The following NPHP1 variants were observed in gnomAD, a reference collection of about 807,000 sequenced individuals.
NPHP1 encodes the protein nephrocystin 1, also known as nephrocystin-1.
In NPHP1, 70 loss-of-function variants were observed where a neutral mutation model predicts 90.4. The observed-to-expected ratio is 0.77, with a 90% CI of 0.64 to 0.95. The LOEUF is 0.95. NPHP1 is among the 40% of genes least tolerant of loss of function. The pLI, the probability that NPHP1 is intolerant of heterozygous loss-of-function variation, is 0.00. For missense variants in NPHP1, 764 were observed against 795.9 expected, an observed-to-expected ratio of 0.96 and a Z score of 0.48; for synonymous variants, 256 against 271.7, an observed-to-expected ratio of 0.94 and a Z score of 0.57.
chr2:110,143,853 A>G (rs1680825704), intron 15 of NPHP1: 1 of 537,618 alleles, frequency 1.9e-6, no homozygotes, highest in Non-Finnish European at 3.3e-6. Flanking sequence ...TATTGCTGCC[A>G]GATTACAAAG....
rs182540642 is a variant in NPHP1, at chr2:110,152,775, C to A, written c.1084-2519G>T. On this transcript the variant is annotated intron_variant, in intron 11 of 19. Coordinates refer to ENST00000445609, the MANE Select transcript of NPHP1 (RefSeq NM_001128178.3). ...CTTAGATCAAGAACTCTAAACTCTACGTCAAGATCTGGTTCTGAACTGGGG... is the reference window on the plus strand; with the variant it reads ...CTTAGATCAAGAACTCTAAACTCTAAGTCAAGATCTGGTTCTGAACTGGGG... Among the ~76,000 whole-genome samples, 6 of 152,010 alleles carry A rather than the reference C, an allele frequency of 3.9e-5. No homozygotes were observed. In the East Asian group the frequency reaches 1.2e-3, roughly 29 times the overall value.
intron 16 of NPHP1, among the ~76,000 whole-genome samples, chr2:110,140,846 A>C (rs1425218079): frequency 6.6e-6 from 1 of 152,220 alleles, no homozygotes; most frequent in East Asian, 1.9e-4. Flanking sequence ...ACACATTATT[A>C]ATGGCTATTG....
At chr2:110,199,843 G>T (rs1322746804) in intron 2 of NPHP1, among the ~76,000 whole-genome samples, 1 of 152,142 alleles carries the variant, frequency 6.6e-6, no homozygotes, top group African/African-American at 2.4e-5. Flanking sequence ...AGAGCACTGA[G>T]CAGATAAAAA....
chr2:110,143,479 A>C, intron 16 of NPHP1, 63 bp downstream of exon 16: 2 of 1,101,746 alleles, frequency 1.8e-6, no homozygotes, highest in Non-Finnish European at 2.8e-6. Flanking sequence ...AGCCAAAAGC[A>C]GAGATGGTCT....
At chr2:110,184,852 T>G in intron 2 of NPHP1, 1 of 699,770 alleles carries the variant, frequency 1.4e-6, no homozygotes, top group Non-Finnish European at 2.7e-6. Flanking sequence ...TCCGGGCCCC[T>G]GAGCTGCTCT....
intron 4 of NPHP1, among the ~76,000 whole-genome samples, chr2:110,170,916 G>C (rs1460652397): frequency 6.6e-6 from 1 of 152,116 alleles, no homozygotes; most frequent in Non-Finnish European, 1.5e-5. Context: ...AAATGAGTGA[G>C]AGTTGAGGCT....
intron 12 of NPHP1, among the ~76,000 whole-genome samples, 175 bp from the exon 13 acceptor site, chr2:110,148,201 A>G (rs1681210488): frequency 6.6e-6 from 1 of 151,984 alleles, no homozygotes; most frequent in African/African-American, 2.4e-5. Context: ...ATGGTTTGGT[A>G]CTGTCCTCAC....
chr2:110,154,001 C>T (rs965740362), intron 11 of NPHP1, among the ~76,000 whole-genome samples: 8 of 150,850 alleles, frequency 5.3e-5, no homozygotes, highest in Non-Finnish European at 8.9e-5. Flanking sequence ...AAAAAATGCT[C>T]AAGTGACACA....
chr2:110,138,301 C>A (rs1248557685), intron 16 of NPHP1, among the ~76,000 whole-genome samples: 1 of 151,760 alleles, frequency 6.6e-6, no homozygotes, highest in African/African-American at 2.4e-5. Flanking sequence ...TGCACATGTA[C>A]CCTAAAACTT....
Position 110,200,046 on chromosome 2 carries a change from G to T in NPHP1, c.143+1375C>A, listed in dbSNP as rs527707391. ...GCCAAAGCAGGGGGCATGAGGTCAG[G>T]AGATTGAGACCATCCTGGCTAGCAC... is the stretch of plus-strand genomic sequence containing the variant. On this transcript the variant is annotated intron_variant, in intron 2 of 19. Transcript: ENST00000445609. Among the ~76,000 whole-genome samples, 3 of 149,896 alleles carry T rather than the reference G, an allele frequency of 2.0e-5. No individual in the cohort carries two copies. The South Asian group carries it at 6.4e-4, about 32-fold the overall frequency.
chr2:110,174,761 A>C (rs997575421), intron 4 of NPHP1, among the ~76,000 whole-genome samples: 1 of 151,114 alleles, frequency 6.6e-6, no homozygotes, highest in Admixed American at 6.6e-5. Flanking sequence ...GCTCTCATAC[A>C]GGAAAGTGTC....
intron 2 of NPHP1, among the ~76,000 whole-genome samples, chr2:110,183,506 CTG>C (rs1247809760): frequency 6.6e-6 from 1 of 152,098 alleles, no homozygotes; most frequent in Admixed American, 6.5e-5. Flanking sequence ...GGGTAAATCT[CTG>C]TTCAATGCTC....
At chr2:110,193,841 G>A (rs993561781) in intron 2 of NPHP1, among the ~76,000 whole-genome samples, 4 of 152,076 alleles carry the variant, frequency 2.6e-5, no homozygotes, top group Non-Finnish European at 1.5e-5. Flanking sequence ...CTAGAACTGA[G>A]GATTAAGAAA....
intron 2 of NPHP1, among the ~76,000 whole-genome samples, chr2:110,190,669 T>C (rs2104666139): frequency 6.6e-6 from 1 of 152,258 alleles, no homozygotes; most frequent in Middle Eastern, 3.4e-3. Context: ...GAAGGGCTCC[T>C]CAAGTGCCGC....
At chr2:110,194,939 CT>C (rs200621786) in intron 2 of NPHP1, among the ~76,000 whole-genome samples, 2,036 of 152,204 alleles carry the variant, frequency 0.013, 50 homozygotes, top group African/African-American at 0.047. Flanking sequence ...CAGAAAAGGC[CT>C]TTGACAAAAT....
At chr2:110,191,167 G>T (rs914970354) in intron 2 of NPHP1, among the ~76,000 whole-genome samples, 1 of 152,154 alleles carries the variant, frequency 6.6e-6, no homozygotes, top group South Asian at 2.1e-4. Flanking sequence ...GACAGTGGGT[G>T]CAGGAAAGTG....
At chr2:110,168,010 A>C (rs1266456314) in intron 6 of NPHP1, among the ~76,000 whole-genome samples, 2 of 152,196 alleles carry the variant, frequency 1.3e-5, no homozygotes. Flanking sequence ...GCTGATCCAG[A>C]CAGAAATCTA....
At chr2:110,155,062 T>C (rs1681789102) in intron 11 of NPHP1, among the ~76,000 whole-genome samples, 1 of 152,042 alleles carries the variant, frequency 6.6e-6, no homozygotes, top group Non-Finnish European at 1.5e-5. Flanking sequence ...AGGGTCCCCA[T>C]GCTGTGTGTA....
intron 4 of NPHP1, among the ~76,000 whole-genome samples, chr2:110,170,315 G>T (rs893203473): frequency 2.0e-5 from 3 of 152,146 alleles, no homozygotes; most frequent in African/African-American, 7.2e-5. Context: ...AGTACTTAGA[G>T]CATAGGCTCT....
Sources: allele counts gnomAD v4.1 joint callset (sites outside exome capture counted in the v4.1 genomes callset), GRCh38; gene constraint gnomAD v4.1.1; transcripts MANE v1.5; gene names NCBI Gene and HGNC (gene_info 2026-07-23, HGNC 2026-07-21).